STXBP6: variants seen among roughly 807,000 people sequenced by gnomAD.
STXBP6 encodes syntaxin-binding protein 6.
In STXBP6, 21 loss-of-function variants were observed where a neutral mutation model predicts 26.9. The ratio of observed to expected loss-of-function variants is 0.78; its 90% CI spans 0.55 to 1.12. The LOEUF is 1.12. STXBP6 is among the 50% of genes most tolerant of loss of function. The probability of loss-of-function intolerance (pLI) is 0.00; values close to 1 mark genes in which losing one functional copy is unlikely to be tolerated. For missense variants in STXBP6, 232 were observed against 257.9 expected, an observed-to-expected ratio of 0.90 and a Z score of 0.69; for synonymous variants, 97 against 92.6, an observed-to-expected ratio of 1.05 and a Z score of -0.27.
intron 2 of STXBP6, among the ~76,000 whole-genome samples, chr14:24,915,123 TC>T (rs1249018682): frequency 1.3e-5 from 2 of 152,144 alleles, no homozygotes; most frequent in African/African-American, 2.4e-5. Flanking sequence ...GTCATTACTG[TC>T]TACACAGGTC....
intron 4 of STXBP6, among the ~76,000 whole-genome samples, chr14:24,854,846 T>C (rs929832779): frequency 3.3e-5 from 5 of 152,084 alleles, no homozygotes; most frequent in African/African-American, 9.7e-5. Context: ...TTTTGTACCA[T>C]AGGATGTGAC....
At chr14:24,840,107 A>G (rs1594941179) in intron 4 of STXBP6, among the ~76,000 whole-genome samples, 1 of 152,210 alleles carries the variant, frequency 6.6e-6, no homozygotes, top group South Asian at 2.1e-4. Context: ...TCTATTTTAC[A>G]AAAAACAAAA....
At chr14:25,022,212 T>C (rs952229234) in intron 1 of STXBP6, among the ~76,000 whole-genome samples, 5 of 152,180 alleles carry the variant, frequency 3.3e-5, no homozygotes, top group African/African-American at 1.2e-4. Flanking sequence ...ATCGATATGA[T>C]TAGGGCCAGT....
intron 2 of STXBP6, among the ~76,000 whole-genome samples, chr14:24,913,777 C>T (rs553413047): frequency 6.6e-6 from 1 of 152,178 alleles, no homozygotes; most frequent in African/African-American, 2.4e-5. Context: ...TGGAAAAACC[C>T]TGCTACTATC....
chr14:24,896,858 G>C (rs938245445), intron 2 of STXBP6, among the ~76,000 whole-genome samples: 11 of 152,272 alleles, frequency 7.2e-5, no homozygotes, highest in African/African-American at 2.4e-4. Context: ...AGCATGTCTG[G>C]GGTATGTCTG....
chr14:24,835,224 A>G (rs1289653740), intron 4 of STXBP6, among the ~76,000 whole-genome samples: 4 of 152,184 alleles, frequency 2.6e-5, no homozygotes, highest in Non-Finnish European at 5.9e-5. Context: ...TCCCTGAATC[A>G]CCACTTAGAA....
At chr14:24,841,205 C>T (rs765493574) in intron 4 of STXBP6, among the ~76,000 whole-genome samples, 3 of 152,076 alleles carry the variant, frequency 2.0e-5, no homozygotes, top group Non-Finnish European at 4.4e-5. Context: ...TCTCTTACAT[C>T]TATATTACAG....
At chr14:24,815,748 G>A in intron 5 of STXBP6, 1 of 152,082 alleles carries the variant, frequency 6.6e-6, no homozygotes, top group East Asian at 1.9e-4. Flanking sequence ...TCAAAGCATT[G>A]CGTCTGCTGC....
chr14:24,976,594 T>A (rs1475981274), intron 1 of STXBP6, among the ~76,000 whole-genome samples: 2 of 152,202 alleles, frequency 1.3e-5, no homozygotes, highest in African/African-American at 4.8e-5. Context: ...TGATACGGTA[T>A]GATTTCCTAC....
chr14:25,023,423 T>G (rs2075294716), intron 1 of STXBP6, among the ~76,000 whole-genome samples: 1 of 152,232 alleles, frequency 6.6e-6, no homozygotes, highest in Non-Finnish European at 1.5e-5. Flanking sequence ...GTTGCCATTT[T>G]CCATCTCTTC....
chr14:24,818,938 TTA>T, intron 5 of STXBP6, 97 bp downstream of exon 5: 1 of 1,437,560 alleles, frequency 7.0e-7, no homozygotes, highest in Non-Finnish European at 9.3e-7. Context: ...TAGCTTAATT[TTA>T]TATCTCTCAT....
chr14:24,809,761 A>C lies in STXBP6; in HGVS notation c.*2948T>G, dbSNP rs2067769351. ...CTGAATTAAACAAAAATTATATTTG[A>C]CATCTCAGAGAACTTCTGAAGAATA... is the stretch of plus-strand genomic sequence containing the variant. On this transcript the variant is annotated 3_prime_UTR_variant, in exon 6 of 6. Coordinates refer to ENST00000323944, the MANE Select transcript of STXBP6 (RefSeq NM_001394410.1). 1 of 152,256 alleles carries C rather than the reference A, an allele frequency of 6.6e-6. No homozygotes were observed. The highest frequency in any genetic ancestry group is 6.5e-5 in the Admixed American group (1 of 15,290). The allele number at this position is 152,256 out of a possible 1,614,324, so 9.4% of individuals were successfully genotyped here.
chr14:25,037,864 C>G (rs1047086708), intron 1 of STXBP6, among the ~76,000 whole-genome samples: 2 of 152,202 alleles, frequency 1.3e-5, no homozygotes, highest in African/African-American at 4.8e-5. Flanking sequence ...TACAATTGCC[C>G]TGGGCCATCT....
intron 2 of STXBP6, among the ~76,000 whole-genome samples, chr14:24,857,359 T>TTTA (rs2069375713): frequency 3.9e-5 from 6 of 152,130 alleles, no homozygotes; most frequent in South Asian, 4.1e-4. Flanking sequence ...CAATCTCCAC[T>TTTA]CTGAAGCAGT....
intron 4 of STXBP6, among the ~76,000 whole-genome samples, chr14:24,824,620 C>T (rs1392418098): frequency 6.6e-6 from 1 of 152,206 alleles, no homozygotes. Context: ...CTAATATCCT[C>T]TTTTAAGATG....
intron 1 of STXBP6, among the ~76,000 whole-genome samples, chr14:24,975,694 AAC>A (rs2074026919): frequency 6.6e-6 from 1 of 152,188 alleles, no homozygotes; most frequent in Non-Finnish European, 1.5e-5. Context: ...TTCCCCCCAG[AAC>A]ACACACATAC....
At chr14:24,980,215 A>T (rs1343253825) in intron 1 of STXBP6, among the ~76,000 whole-genome samples, 3 of 152,228 alleles carry the variant, frequency 2.0e-5, no homozygotes, top group Non-Finnish European at 2.9e-5. Context: ...CTTTTATGCA[A>T]AGAAAATCAA....
Position 24,931,595 on chromosome 14 carries a change from T to C in STXBP6, c.154+43070A>G, listed in dbSNP as rs943779975. ...CCTCATATTTATGGAGCACCTACTA[T>C]GTTTCAGGTAGTGGAGCAGTGTTGA... On this transcript the variant is annotated intron_variant, in intron 2 of 5. Coordinates refer to ENST00000323944, the MANE Select transcript of STXBP6 (RefSeq NM_001394410.1). Among the ~76,000 whole-genome samples the C allele has an allele frequency of 4.6e-5, 7 of 152,164 alleles. 2 individuals are homozygous for C. Among genetic ancestry groups the C allele is most frequent in the Admixed American group, 3.9e-4 (6 of 15,280 alleles).
chr14:24,908,227 A>G (rs2071450616), intron 2 of STXBP6, among the ~76,000 whole-genome samples: 1 of 152,078 alleles, frequency 6.6e-6, no homozygotes, highest in African/African-American at 2.4e-5. Context: ...TTTCCTTACC[A>G]TCTTACCCAA....
Sources: allele counts gnomAD v4.1 joint callset (sites outside exome capture counted in the v4.1 genomes callset), GRCh38; gene constraint gnomAD v4.1.1; transcripts MANE v1.5; gene names NCBI Gene and HGNC (gene_info 2026-07-23, HGNC 2026-07-21).